Variants in BMPR2 observed in about 807,000 individuals in gnomAD.
BMPR2 encodes bone morphogenetic protein receptor type-2.
In BMPR2, 29 loss-of-function variants were observed where a neutral mutation model predicts 100.8. The ratio of observed to expected loss-of-function variants is 0.29; its 90% CI spans 0.21 to 0.39. BMPR2 has a LOEUF of 0.39. Among genes scored for constraint, BMPR2 ranks in the 10% least tolerant of loss-of-function variants. The pLI is 1.00. For synonymous variants in BMPR2, 382 were observed against 442.3 expected, an observed-to-expected ratio of 0.86 and a Z score of 1.71; for missense variants, 1,011 against 1,274.5, an observed-to-expected ratio of 0.79 and a Z score of 3.15.
At chr2:202,519,242 A>G (rs574039829) in intron 6 of BMPR2, among the ~76,000 whole-genome samples, 190 bp downstream of exon 6, 1 of 152,216 alleles carries the variant, frequency 6.6e-6, no homozygotes, top group Admixed American at 6.5e-5. Context: ...ACACATCTGT[A>G]ATTCCAGCTA....
intron 3 of BMPR2, among the ~76,000 whole-genome samples, chr2:202,485,472 G>A (rs780748078): frequency 5.3e-5 from 8 of 149,982 alleles, no homozygotes; most frequent in Admixed American, 1.3e-4. Flanking sequence ...TTGTAGCTGC[G>A]TAATTCTAAT....
intron 1 of BMPR2, among the ~76,000 whole-genome samples, chr2:202,386,281 G>A (rs950684813): frequency 3.3e-5 from 5 of 152,034 alleles, no homozygotes; most frequent in South Asian, 2.1e-4. Flanking sequence ...TGTATCTGTC[G>A]TATCTACTTG....
Position 202,467,469 on chromosome 2 carries a change from A to G in BMPR2, c.248-50A>G, listed in dbSNP as rs373046746. 89 of 1,471,278 alleles carry G rather than the reference A, an allele frequency of 6.0e-5. No individual in the cohort carries two copies. The African/African-American group carries it at 7.8e-4, about 13-fold the overall frequency. 91.1% of individuals were successfully genotyped at this position (1,471,278 alleles called of 1,614,324 possible). On this transcript the variant is annotated intron_variant, in intron 2 of 12. Transcript: ENST00000374580. ...CTGCTTAGTTTGTTGTTTTTCTCTT[A>G]GTTTTCTTTATCATATTGTCTCCTT...
At chr2:202,435,033 G>GGT (rs1691586155) in intron 1 of BMPR2, among the ~76,000 whole-genome samples, 2 of 144,120 alleles carry the variant, frequency 1.4e-5, no homozygotes, top group South Asian at 4.3e-4. Flanking sequence ...TGGGCAACAT[G>GGT]GTGAGACCCC....
At chr2:202,436,447 AG>A (rs1241185412) in intron 1 of BMPR2, among the ~76,000 whole-genome samples, 1 of 150,522 alleles carries the variant, frequency 6.6e-6, no homozygotes, top group Non-Finnish European at 1.5e-5. Flanking sequence ...CCCTGTCTCA[AG>A]AAAAAAAAAC....
chr2:202,406,559 G>T (rs77085326), intron 1 of BMPR2, among the ~76,000 whole-genome samples: 2,367 of 152,356 alleles, frequency 0.016, 32 homozygotes, highest in Non-Finnish European at 0.026. Flanking sequence ...TTTCATGAGT[G>T]TGGAATATTT....
At chr2:202,405,384 C>A (rs1690867771) in intron 1 of BMPR2, among the ~76,000 whole-genome samples, 1 of 151,936 alleles carries the variant, frequency 6.6e-6, no homozygotes, top group Non-Finnish European at 1.5e-5. Flanking sequence ...TGGGGGCTCC[C>A]TTATTCAAAA....
At chr2:202,385,419 A>T (rs910505570) in intron 1 of BMPR2, among the ~76,000 whole-genome samples, 1 of 123,948 alleles carries the variant, frequency 8.1e-6, no homozygotes. Flanking sequence ...AGGTGGGAGT[A>T]CAGTGGCGTG....
intron 5 of BMPR2, among the ~76,000 whole-genome samples, chr2:202,517,221 TAAA>T (rs757696369): frequency 7.7e-6 from 1 of 130,176 alleles, no homozygotes. Context: ...CTATCTCAAT[TAAA>T]AAAAAAAAAA....
chr2:202,386,987 C>G (rs1690443512), intron 1 of BMPR2, among the ~76,000 whole-genome samples: 1 of 151,994 alleles, frequency 6.6e-6, no homozygotes, highest in African/African-American at 2.4e-5. Context: ...CCGGGCAGAC[C>G]CTTTTCATAC....
At chr2:202,527,786 T>G (rs989821719) in intron 7 of BMPR2, among the ~76,000 whole-genome samples, 1 of 151,630 alleles carries the variant, frequency 6.6e-6, no homozygotes, top group Non-Finnish European at 1.5e-5. Flanking sequence ...AGAGCGAGAC[T>G]CCATCTCAAA....
At chr2:202,388,661 G>T (rs1690483712) in intron 1 of BMPR2, among the ~76,000 whole-genome samples, 1 of 151,588 alleles carries the variant, frequency 6.6e-6, no homozygotes, top group South Asian at 2.1e-4. Flanking sequence ...GGTGGTGGGT[G>T]CCTGTAGTCC....
At chr2:202,557,707 G>T (rs979671429) in intron 12 of BMPR2, among the ~76,000 whole-genome samples, 1 of 151,952 alleles carries the variant, frequency 6.6e-6, no homozygotes, top group African/African-American at 2.4e-5. Flanking sequence ...GGGCCTCAAA[G>T]GTAATTAGAC....
At chr2:202,492,525 C>T (rs1410984670) in intron 3 of BMPR2, among the ~76,000 whole-genome samples, 3 of 151,590 alleles carry the variant, frequency 2.0e-5, no homozygotes, top group African/African-American at 7.3e-5. Context: ...CATAGCAAAA[C>T]CCCTTCTCTA....
rs762096820 is a variant in BMPR2, at chr2:202,485,545, C to CTTTTTTTTTTTTTT, written c.418+17862_418+17875dup. Among the ~76,000 whole-genome samples the CTTTTTTTTTTTTTT allele has an allele frequency of 9.9e-3, 635 of 63,996 alleles. 163 individuals are homozygous for CTTTTTTTTTTTTTT. Among genetic ancestry groups the CTTTTTTTTTTTTTT allele is most frequent in the African/African-American group, 0.023 (404 of 17,528 alleles). The allele number at this position is 63,996 out of a possible 152,430, so 42.0% of individuals were successfully genotyped here. A position where few individuals can be genotyped will look rare whatever the true frequency, so the allele number is the denominator to read the frequency against. Reference sequence around the variant, plus strand: ...GTCTCAAATCTCCCTTTGCCTTTATCTTTTTTTTTTTTTTTTTTTGAGACA... The same window carrying CTTTTTTTTTTTTTT: ...GTCTCAAATCTCCCTTTGCCTTTATCTTTTTTTTTTTTTTTTTTTTTTTTTTTTTTTTTGAGACA... On this transcript the variant is annotated intron_variant, in intron 3 of 12. Coordinates refer to ENST00000374580, the MANE Select transcript of BMPR2 (RefSeq NM_001204.7).
intron 1 of BMPR2, among the ~76,000 whole-genome samples, chr2:202,464,608 A>AT (rs1481606599): frequency 7.0e-4 from 107 of 152,296 alleles, no homozygotes; most frequent in African/African-American, 2.3e-3. Context: ...GAATTTTAAA[A>AT]TTTCCTTCTT....
In BMPR2 at chr2:202,424,113, C is replaced by G. The variant is rs536887865; in HGVS notation, c.77-40696C>G. On this transcript the variant is annotated intron_variant, in intron 1 of 12. Transcript: ENST00000374580. ...AAAAGGCCAGGCACAGTGGCTCACC[C>G]CTGTGATCCCAGCACTTTGAGAGGC... Among the ~76,000 whole-genome samples the G allele has an allele frequency of 2.0e-3, 299 of 150,702 alleles. 6 individuals carry two copies. Among genetic ancestry groups the G allele is most frequent in the Admixed American group, 2.6e-3 (39 of 15,124 alleles).
At chr2:202,392,822 G>A (rs557753566) in intron 1 of BMPR2, among the ~76,000 whole-genome samples, 3 of 151,634 alleles carry the variant, frequency 2.0e-5, no homozygotes, top group Non-Finnish European at 2.9e-5. Flanking sequence ...GAGAAACCCC[G>A]TCTCTACTAA....
chr2:202,475,084 A>G (rs748570477), intron 3 of BMPR2: 1 of 152,064 alleles, frequency 6.6e-6, no homozygotes, highest in African/African-American at 2.4e-5. Flanking sequence ...TCCATTTTAG[A>G]TCCTGCCTTT....
Sources: gnomAD v4.1 joint callset for allele counts (sites outside exome capture counted in the v4.1 genomes callset) on GRCh38, gnomAD v4.1.1 for gene constraint, MANE v1.5 for transcripts, NCBI Gene and HGNC (gene_info 2026-07-23, HGNC 2026-07-21) for gene names.